Variants in RIN3 observed in about 807,000 individuals in gnomAD.
RIN3 encodes the protein RAB5 interacting protein 3.
In RIN3, 54 loss-of-function variants were observed where a neutral mutation model predicts 76.3. The ratio of observed to expected loss-of-function variants is 0.71; its 90% CI spans 0.57 to 0.89. RIN3 has a LOEUF of 0.89. Among genes scored for constraint, RIN3 ranks in the 40% least tolerant of loss-of-function variants. The probability of loss-of-function intolerance (pLI) is 0.00; values close to 1 mark genes in which losing one functional copy is unlikely to be tolerated. For synonymous variants in RIN3, 576 were observed against 564.0 expected (o/e 1.02, Z -0.30); for missense variants, 1,256 against 1,322.1 (o/e 0.95, Z 0.78).
chr14:92,543,618 CTTTTTTTTTTT>C (rs3033757), intron 1 of RIN3, among the ~76,000 whole-genome samples: 29 of 84,884 alleles, frequency 3.4e-4, no homozygotes, highest in Non-Finnish European at 4.7e-4. Flanking sequence ...AAGGCTTTTG[CTTTTTTTTTTT>C]TTTTTTTTTT....
At chr14:92,515,722 C>T (rs535111159) in intron 1 of RIN3, among the ~76,000 whole-genome samples, 5 of 152,308 alleles carry the variant, frequency 3.3e-5, no homozygotes, top group Non-Finnish European at 5.9e-5. Flanking sequence ...AGAATTGTTT[C>T]GTGGATTGGC....
chr14:92,556,147 G>A (rs1897574285), intron 2 of RIN3, among the ~76,000 whole-genome samples, 192 bp downstream of exon 2: 3 of 152,180 alleles, frequency 2.0e-5, no homozygotes, highest in Non-Finnish European at 2.9e-5. Context: ...GCTGGTGAGA[G>A]GCCTGGTTTC....
chr14:92,586,671 C>T (rs1209088814), intron 3 of RIN3: 1 of 152,066 alleles, frequency 6.6e-6, no homozygotes, highest in African/African-American at 2.4e-5. Flanking sequence ...ACTTTGCAAC[C>T]AATTAAATAT....
At chr14:92,673,384 C>T (rs750104295) in intron 7 of RIN3, among the ~76,000 whole-genome samples, 2 of 152,210 alleles carry the variant, frequency 1.3e-5, no homozygotes, top group African/African-American at 2.4e-5. Flanking sequence ...TTGTTTCTCT[C>T]AGGTGTATAT....
rs767409180 is a variant in RIN3 at position 92,641,345 on chromosome 14, G to C, written c.532+16G>C. The C allele has an allele frequency of 2.5e-6, 4 of 1,596,868 alleles. No homozygotes were observed. The highest frequency in any genetic ancestry group is 3.4e-6 in the Non-Finnish European group (4 of 1,164,282). On this transcript the variant is annotated intron_variant, in intron 5 of 9. Coordinates refer to ENST00000216487, the MANE Select transcript of RIN3 (RefSeq NM_024832.5). Reference sequence around the variant, plus strand: ...CTGGGTCTGGGTGAGTCTTCTCCGAGGGGTTAGGGGAGCTGGTGGGGCGTT... The same window carrying C: ...CTGGGTCTGGGTGAGTCTTCTCCGACGGGTTAGGGGAGCTGGTGGGGCGTT...
intron 5 of RIN3, among the ~76,000 whole-genome samples, chr14:92,647,902 C>G (rs1175169866): frequency 6.6e-6 from 1 of 152,102 alleles, no homozygotes; most frequent in Non-Finnish European, 1.5e-5. Flanking sequence ...TGGCCTCAGT[C>G]TGAGGCCAGG....
At chr14:92,520,402 C>T (rs915532996) in intron 1 of RIN3, among the ~76,000 whole-genome samples, 4 of 152,156 alleles carry the variant, frequency 2.6e-5, no homozygotes, top group African/African-American at 4.8e-5. Context: ...AGCCCATCCT[C>T]GAGGGGCTGC....
At chr14:92,619,379 C>A (rs891703441) in intron 4 of RIN3, among the ~76,000 whole-genome samples, 32 of 148,642 alleles carry the variant, frequency 2.2e-4, no homozygotes, top group Middle Eastern at 6.9e-3. Context: ...CAAAAAAAAA[C>A]ACACACACAT....
chr14:92,674,889 CAAAA>C (rs34494858), intron 7 of RIN3, among the ~76,000 whole-genome samples: 2 of 118,544 alleles, frequency 1.7e-5, no homozygotes, highest in Non-Finnish European at 3.5e-5. Flanking sequence ...AACTCTGTCT[CAAAA>C]AAAAAAAAAA....
At chr14:92,650,037 C>T (rs1407749506) in intron 5 of RIN3, among the ~76,000 whole-genome samples, 1 of 152,238 alleles carries the variant, frequency 6.6e-6, no homozygotes, top group African/African-American at 2.4e-5. Flanking sequence ...ATAGTGCCCA[C>T]CTCTTAGAGC....
At chr14:92,572,353 T>C (rs1324562504) in intron 2 of RIN3, among the ~76,000 whole-genome samples, 1 of 152,236 alleles carries the variant, frequency 6.6e-6, no homozygotes, top group Non-Finnish European at 1.5e-5. Flanking sequence ...CAAGTTACAC[T>C]CCGCCATTTT....
chr14:92,648,090 C>CTTTTT lies in RIN3; in HGVS notation c.533-3480_533-3476dup, dbSNP rs35034984. ...GCTGCAGAGAAAGTTACTCATTTCC[C>CTTTTT]TTTTTTTTTTTTTTTTGGAGCATAA... On this transcript the variant is annotated intron_variant, in intron 5 of 9. Transcript: ENST00000216487. The surrounding 1 kb of genome is among the most constrained non-coding windows in gnomAD (Gnocchi z 4.1). Among the ~76,000 whole-genome samples the CTTTTT allele has an allele frequency of 7.2e-6, 1 of 138,834 alleles. No homozygotes were observed. Among genetic ancestry groups the CTTTTT allele is most frequent in the East Asian group, 2.1e-4 (1 of 4,792 alleles). The allele number at this position is 138,834 out of a possible 152,430, so 91.1% of individuals were successfully genotyped here. A position where few individuals can be genotyped will look rare whatever the true frequency, so the allele number is the denominator to read the frequency against.
intron 1 of RIN3, among the ~76,000 whole-genome samples, chr14:92,519,587 G>A (rs939169781): frequency 6.6e-6 from 1 of 152,224 alleles, no homozygotes; most frequent in African/African-American, 2.4e-5. Context: ...CCCTGTCAGG[G>A]TTGGAGTCTG....
At chr14:92,534,957 C>A (rs1896962688) in intron 1 of RIN3, among the ~76,000 whole-genome samples, 1 of 152,298 alleles carries the variant, frequency 6.6e-6, no homozygotes, top group East Asian at 1.9e-4. Flanking sequence ...CACTTCATCT[C>A]AGGATGAATT....
At chr14:92,593,550 G>C (rs891183351) in intron 3 of RIN3, among the ~76,000 whole-genome samples, 1 of 152,006 alleles carries the variant, frequency 6.6e-6, no homozygotes, top group Non-Finnish European at 1.5e-5. Flanking sequence ...GTGGGGTGGG[G>C]GGAAGGGGGA....
intron 2 of RIN3, chr14:92,576,145 A>C: frequency 9.3e-7 from 1 of 1,075,708 alleles, no homozygotes; most frequent in Non-Finnish European, 1.2e-6. Flanking sequence ...TTCCTGGGGA[A>C]GCTGTGCCAC....
Position 92,658,160 on chromosome 14 carries a change from C to A in RIN3, c.2027-1001C>A, listed in dbSNP as rs118066004. The stretch of plus-strand genomic sequence containing the variant: ...CCATGAGAGCCTAAGCTGGTCCATC[C>A]TCAGAGTGGGCATCAGAGCACATAT... On this transcript the variant is annotated intron_variant, in intron 6 of 9. Coordinates refer to ENST00000216487, the MANE Select transcript of RIN3 (RefSeq NM_024832.5). Among the ~76,000 whole-genome samples, 65 of 152,366 alleles carry A rather than the reference C, an allele frequency of 4.3e-4. No individual in the cohort carries two copies. The East Asian group carries it at 0.012, about 28-fold the overall frequency.
At chr14:92,683,462 T>C (rs915396554) in intron 8 of RIN3, among the ~76,000 whole-genome samples, 1 of 152,230 alleles carries the variant, frequency 6.6e-6, no homozygotes, top group Non-Finnish European at 1.5e-5. Flanking sequence ...CTCAGGAGAA[T>C]GAATTTGTAA....
intron 1 of RIN3, among the ~76,000 whole-genome samples, chr14:92,519,169 A>T (rs1052812609): frequency 2.0e-5 from 3 of 152,206 alleles, no homozygotes; most frequent in Admixed American, 2.0e-4. Context: ...GAAGTGGCCC[A>T]TGGAACAGTC....
Sources: allele counts gnomAD v4.1 joint callset (sites outside exome capture counted in the v4.1 genomes callset), GRCh38; gene constraint gnomAD v4.1.1; non-coding constraint Gnocchi (gnomAD v3.1); transcripts MANE v1.5; gene names NCBI Gene and HGNC (gene_info 2026-07-23, HGNC 2026-07-21).